The following POU2F1 variants were observed in gnomAD, a reference collection of about 807,000 sequenced individuals.
The protein encoded by POU2F1 is POU class 2 homeobox 1, also known as POU domain, class 2, transcription factor 1.
In POU2F1, 16 loss-of-function variants were observed where a neutral mutation model predicts 84.9. That is an observed-to-expected ratio of 0.19 (90% CI 0.13 to 0.29). The LOEUF (loss-of-function observed/expected upper bound fraction) is 0.29, where lower values mean the gene tolerates loss of function less well. POU2F1 is among the 10% of genes least tolerant of loss of function. POU2F1 has a pLI of 1.00. For synonymous variants in POU2F1, 368 were observed against 368.3 expected, an observed-to-expected ratio of 1.00 and a Z score of 0.01; for missense variants, 738 against 942.6, an observed-to-expected ratio of 0.78 and a Z score of 2.84.
intron 1 of POU2F1, among the ~76,000 whole-genome samples, chr1:167,239,573 C>G (rs74421906): frequency 2.0e-5 from 3 of 152,322 alleles, no homozygotes; most frequent in African/African-American, 7.2e-5. Context: ...CACCCCAACC[C>G]TCACTTTTAT....
At chr1:167,310,087 T>A (rs1391906363) in intron 1 of POU2F1, among the ~76,000 whole-genome samples, 3 of 152,188 alleles carry the variant, frequency 2.0e-5, no homozygotes, top group Admixed American at 6.5e-5. Flanking sequence ...GCAGATTTTT[T>A]CTTATTAGAA....
chr1:167,287,171 G>C (rs944965958), intron 1 of POU2F1, among the ~76,000 whole-genome samples: 5 of 152,160 alleles, frequency 3.3e-5, no homozygotes, highest in African/African-American at 1.2e-4. Context: ...ACTGATGAAG[G>C]CTTGTCTTTC....
intron 8 of POU2F1, 69 bp downstream of exon 8, chr1:167,384,020 AAT>A: frequency 3.2e-6 from 4 of 1,240,492 alleles, no homozygotes; most frequent in South Asian, 3.1e-5. Context: ...GACTTTATTT[AAT>A]TTTTTTTTTA....
chr1:167,300,260 A>G (rs1654588542), intron 1 of POU2F1, among the ~76,000 whole-genome samples: 1 of 152,052 alleles, frequency 6.6e-6, no homozygotes, highest in South Asian at 2.1e-4. Flanking sequence ...GACACTGGGG[A>G]CTCCAAAACG....
intron 1 of POU2F1, among the ~76,000 whole-genome samples, chr1:167,286,608 A>G (rs747577498): frequency 5.9e-5 from 9 of 152,212 alleles, no homozygotes; most frequent in Admixed American, 2.0e-4. Context: ...ATTACCTTAT[A>G]TTGTTGAGCA....
intron 1 of POU2F1, among the ~76,000 whole-genome samples, chr1:167,321,189 C>G (rs575283803): frequency 2.0e-5 from 3 of 152,166 alleles, no homozygotes; most frequent in African/African-American, 4.8e-5. Flanking sequence ...TAATGTAACA[C>G]TGGGAAAATT....
intron 15 of POU2F1, among the ~76,000 whole-genome samples, chr1:167,414,043 C>G (rs1650147573): frequency 6.6e-6 from 1 of 150,688 alleles, no homozygotes; most frequent in Non-Finnish European, 1.5e-5. Flanking sequence ...TTCTCAGGGC[C>G]AAAAATAACT....
At chr1:167,367,906 G>A (rs527511509) in intron 3 of POU2F1, among the ~76,000 whole-genome samples, 2 of 151,616 alleles carry the variant, frequency 1.3e-5, no homozygotes, top group South Asian at 4.2e-4. Flanking sequence ...CGTACACCAT[G>A]GCACCGAGCC....
chr1:167,224,923 G>A (rs1372723722), intron 1 of POU2F1, among the ~76,000 whole-genome samples: 1 of 151,538 alleles, frequency 6.6e-6, no homozygotes, highest in African/African-American at 2.4e-5. Context: ...CTGCCTCGTG[G>A]GTTCCAGTGA....
chr1:167,231,380 G>A (rs1361629864), intron 1 of POU2F1, among the ~76,000 whole-genome samples: 1 of 152,170 alleles, frequency 6.6e-6, no homozygotes, highest in Non-Finnish European at 1.5e-5. Flanking sequence ...GCTTGGTCCT[G>A]TCCTAGTAGG....
chr1:167,322,997 C>T (rs1656433658), intron 1 of POU2F1, among the ~76,000 whole-genome samples: 2 of 152,206 alleles, frequency 1.3e-5, no homozygotes, highest in African/African-American at 4.8e-5. Context: ...CCATCATGAG[C>T]ATGTCACAGT....
At position 167,374,218 on chromosome 1, in the gene POU2F1, T is replaced by C. The variant is rs1417326312; in HGVS notation, c.513T>C (p.Ala171=). 3.1e-6 allele frequency: 5 copies of C among 1,613,966 alleles called. No individual in the cohort carries two copies. Among genetic ancestry groups the C allele is most frequent in the African/African-American group, 1.3e-5 (1 of 75,028 alleles). ...QQHSASQQHS[A]AGATISASAA... ...ACTCCGCCAGCCAGCAGCACAGTGC[T>C]GCTGGAGCCACCATCTCCGCCTCTG... The change falls in exon 6 of 16, where the codon GCT becomes GCC. Residue 171 remains alanine, a synonymous_variant. Coordinates refer to ENST00000367866, the MANE Select transcript of POU2F1 (RefSeq NM_002697.4).
rs1658051417 is a variant in POU2F1 at position 167,344,298 on chromosome 1, A to G, written c.127+11763A>G. Among the ~76,000 whole-genome samples the G allele has an allele frequency of 2.6e-5, 4 of 152,322 alleles. No homozygotes were observed. In the South Asian group the frequency reaches 8.3e-4, roughly 32 times the overall value. On this transcript the variant is annotated intron_variant, in intron 2 of 15. Transcript: ENST00000367866. The stretch of plus-strand genomic sequence containing the variant: ...ATCAGACCAGTGAGCTCATGGAGTT[A>G]GCATTTAGTGTGGTCAAGTCCTGCC...
At chr1:167,310,775 G>A (rs904395713) in intron 1 of POU2F1, among the ~76,000 whole-genome samples, 1 of 152,140 alleles carries the variant, frequency 6.6e-6, no homozygotes, top group African/African-American at 2.4e-5. Flanking sequence ...AAAATGTGGA[G>A]TCTGAGCAAA....
chr1:167,340,215 G>T (rs111760400), intron 2 of POU2F1, among the ~76,000 whole-genome samples: 5 of 151,828 alleles, frequency 3.3e-5, no homozygotes, highest in African/African-American at 1.2e-4. Flanking sequence ...AAGTAGCTGG[G>T]ATTACAGGCA....
intron 13 of POU2F1, among the ~76,000 whole-genome samples, chr1:167,411,405 GT>G (rs535290005): frequency 1.2e-3 from 171 of 144,628 alleles, no homozygotes; most frequent in Non-Finnish European, 1.3e-3. Flanking sequence ...ATTGTATGTT[GT>G]TTTTTTTTTT....
chr1:167,307,964 G>A (rs926018070), intron 1 of POU2F1, among the ~76,000 whole-genome samples: 2 of 152,056 alleles, frequency 1.3e-5, no homozygotes, highest in East Asian at 1.9e-4. Flanking sequence ...TCATGGTTCC[G>A]CATGATTAGA....
intron 1 of POU2F1, among the ~76,000 whole-genome samples, chr1:167,272,166 A>G (rs941504132): frequency 1.3e-5 from 2 of 152,178 alleles, no homozygotes; most frequent in East Asian, 1.9e-4. Context: ...AACAGTATAC[A>G]GTTTTTTGTA....
intron 1 of POU2F1, among the ~76,000 whole-genome samples, chr1:167,223,275 C>G (rs917616230): frequency 6.6e-6 from 1 of 152,178 alleles, no homozygotes; most frequent in South Asian, 2.1e-4. Flanking sequence ...ACCCGCCCCT[C>G]CTCTTTAAGT....
Sources: gnomAD v4.1 joint callset for allele counts (sites outside exome capture counted in the v4.1 genomes callset) on GRCh38, gnomAD v4.1.1 for gene constraint, MANE v1.5 for transcripts, NCBI Gene and HGNC (gene_info 2026-07-23, HGNC 2026-07-21) for gene names.